The following NDUFA10 variants were observed in gnomAD, a reference collection of about 807,000 sequenced individuals.
NDUFA10 encodes NADH:ubiquinone oxidoreductase subunit A10.
NDUFA10 carries 40 observed loss-of-function variants against 47.8 expected under a neutral mutation model. The ratio of observed to expected loss-of-function variants is 0.84; its 90% CI spans 0.65 to 1.09. The LOEUF is 1.09. Among genes scored for constraint, NDUFA10 ranks in the 50% least tolerant of loss-of-function variants. The pLI, the probability that NDUFA10 is intolerant of heterozygous loss-of-function variation, is 0.00. For synonymous variants in NDUFA10, 183 were observed against 172.2 expected (o/e 1.06, Z -0.49); for missense variants, 413 against 451.1 (o/e 0.92, Z 0.76).
chr2:239,962,410 G>A (rs56393122), intron 9 of NDUFA10, among the ~76,000 whole-genome samples: 1,893 of 152,276 alleles, frequency 0.012, 23 homozygotes, highest in Middle Eastern at 0.02. Flanking sequence ...CAGTGGCCAC[G>A]CAGTGACAGA....
At chr2:239,915,685 C>T (rs887504419) in intron 4 of NDUFA10, among the ~76,000 whole-genome samples, 1 of 149,288 alleles carries the variant, frequency 6.7e-6, no homozygotes, top group African/African-American at 2.5e-5. Context: ...TATACACACA[C>T]AGAACACACA....
chr2:239,974,651 A>G (rs1695442732), intron 9 of NDUFA10, among the ~76,000 whole-genome samples: 1 of 152,234 alleles, frequency 6.6e-6, no homozygotes, highest in East Asian at 1.9e-4. Context: ...GAGTTCACAC[A>G]AGACCTGGTC....
chr2:240,004,654 A>G (rs571120860), intron 8 of NDUFA10, among the ~76,000 whole-genome samples: 1 of 147,026 alleles, frequency 6.8e-6, no homozygotes, highest in East Asian at 2.0e-4. Flanking sequence ...CCCTCCCCAC[A>G]CTTTTTCTGG....
chr2:239,942,560 C>G (rs1182106639), intron 4 of NDUFA10, among the ~76,000 whole-genome samples: 2 of 152,180 alleles, frequency 1.3e-5, no homozygotes, highest in African/African-American at 4.8e-5. Context: ...ACGTTGTTGA[C>G]ATTTATTTTA....
rs749435666 is a variant in NDUFA10, at chr2:239,961,088, G to GT, written c.*29dup. ...CGGCTGATGCAGCTTGGCCATCACT[G>GT]TGATGCAGCTGGAGCAGAAGGCGGC... On this transcript the variant is annotated 3_prime_UTR_variant, in exon 10 of 10. Coordinates refer to ENST00000252711, the MANE Select transcript of NDUFA10 (RefSeq NM_004544.4). 13 of 1,613,816 alleles carry GT rather than the reference G, an allele frequency of 8.1e-6. No individual in the cohort carries two copies. In the Admixed American group the frequency reaches 2.2e-4, roughly 27 times the overall value.
At chr2:240,011,908 G>A in intron 5 of NDUFA10, 1 of 595,984 alleles carries the variant, frequency 1.7e-6, no homozygotes, top group Non-Finnish European at 3.1e-6. Flanking sequence ...CTGCCCAAGT[G>A]CTCCCATAGC....
chr2:240,010,458 A>T (rs956435985), intron 6 of NDUFA10, among the ~76,000 whole-genome samples: 1 of 152,162 alleles, frequency 6.6e-6, no homozygotes, highest in African/African-American at 2.4e-5. Context: ...GATGTTTTTG[A>T]AGCCAGAAGA....
chr2:239,928,846 C>T lies in NDUFA10; in HGVS notation c.295-33532G>A, dbSNP rs77026030. Among the ~76,000 whole-genome samples, 721 of 152,306 alleles carry T rather than the reference C, an allele frequency of 4.7e-3. 4 individuals carry two copies. The highest frequency in any genetic ancestry group is 0.017 in the African/African-American group (695 of 41,572). Reference sequence around the variant, plus strand: ...GAGCCTGTGTGGTTGCTCCTTCACCCCACTCCTCCCATCAGCGGATCCTCC... The same window carrying T: ...GAGCCTGTGTGGTTGCTCCTTCACCTCACTCCTCCCATCAGCGGATCCTCC... On this transcript the variant is annotated intron_variant, in intron 4 of 5. Transcript: ENST00000419408. The surrounding 1 kb of genome is among the most constrained non-coding windows in gnomAD (Gnocchi z 4.3).
At chr2:239,911,142 G>A (rs1320870959) in intron 4 of NDUFA10, among the ~76,000 whole-genome samples, 3 of 151,316 alleles carry the variant, frequency 2.0e-5, no homozygotes, top group Non-Finnish European at 2.9e-5. Context: ...CCCTTGGAAT[G>A]GGTTCTATGT....
intron 4 of NDUFA10, among the ~76,000 whole-genome samples, chr2:239,934,712 G>C (rs1053019991): frequency 6.6e-6 from 1 of 152,170 alleles, no homozygotes; most frequent in Admixed American, 6.5e-5. Context: ...TGTCAGCTGC[G>C]ATTGTCTGTC....
chr2:239,946,284 G>GGCCCCA (rs2106381374), intron 4 of NDUFA10, among the ~76,000 whole-genome samples: 1 of 152,298 alleles, frequency 6.6e-6, no homozygotes, highest in African/African-American at 2.4e-5. Flanking sequence ...CCACAGCTCC[G>GGCCCCA]GCCCCAGCCC....
intron 4 of NDUFA10, among the ~76,000 whole-genome samples, chr2:239,898,220 G>A (rs1449585919): frequency 6.6e-6 from 1 of 152,182 alleles, no homozygotes; most frequent in African/African-American, 2.4e-5. Flanking sequence ...ATAAAATAAT[G>A]ATGTTTATAC....
At position 240,016,123 on chromosome 2, in the gene NDUFA10, G is replaced by A. The variant is rs1050201300; in HGVS notation, c.548-1263C>T. Among the ~76,000 whole-genome samples, 39 of 152,200 alleles carry A rather than the reference G, an allele frequency of 2.6e-4. No homozygotes were observed. The highest frequency in any genetic ancestry group is 9.4e-4 in the African/African-American group (39 of 41,448). On this transcript the variant is annotated intron_variant, in intron 4 of 9. Coordinates refer to ENST00000252711, the MANE Select transcript of NDUFA10 (RefSeq NM_004544.4). This position sits in a 1 kb window ranked among gnomAD's most constrained non-coding sequence, Gnocchi z 4.4. The stretch of plus-strand genomic sequence containing the variant: ...AACCTCACTCTAGAGGCAACTGTGG[G>A]ATGAGCCTTTGGCTCAGGGTCAGGA...
In NDUFA10 at chr2:240,016,924, T is replaced by C. The variant is rs1020711682; in HGVS notation, c.547+1629A>G. Among the ~76,000 whole-genome samples the C allele has an allele frequency of 6.6e-6, 1 of 152,058 alleles. No homozygotes were observed. Among genetic ancestry groups the C allele is most frequent in the African/African-American group, 2.4e-5 (1 of 41,416 alleles). On this transcript the variant is annotated intron_variant, in intron 4 of 9. Transcript: ENST00000252711. This position sits in a 1 kb window ranked among gnomAD's most constrained non-coding sequence, Gnocchi z 4.4. ...ATCGGTCCACTGCCCCTGTGCATCC[T>C]TCCCCCTTAGCGGCCCACTAGCCAG...
At chr2:239,952,747 G>C (rs1257510376), downstream of NDUFA10, among the ~76,000 whole-genome samples, 1 of 152,226 alleles carries the variant, frequency 6.6e-6, no homozygotes. Flanking sequence ...GATGGGCCTG[G>C]GCCTGGGCCA....
chr2:239,911,011 T>TC (rs1265673236), intron 4 of NDUFA10, among the ~76,000 whole-genome samples: 1 of 152,156 alleles, frequency 6.6e-6, no homozygotes, highest in Non-Finnish European at 1.5e-5. Context: ...ACTGCGTGTT[T>TC]CCCCAGAGCA....
At chr2:239,992,103 C>G (rs934146352) in intron 8 of NDUFA10, among the ~76,000 whole-genome samples, 2 of 152,156 alleles carry the variant, frequency 1.3e-5, no homozygotes, top group East Asian at 1.9e-4. Flanking sequence ...CTCCAGTAAA[C>G]TCCTAGATTT....
At position 239,928,142 on chromosome 2, in the gene NDUFA10, G is replaced by A. The variant is rs1290403469; in HGVS notation, c.295-32828C>T. ...CCACCACAAACGCGAGTAAGGAGCA[G>A]AAGGTCTGTACAAAGATTCCAGGAC... On this transcript the variant is annotated intron_variant, in intron 4 of 5. Coordinates refer to the NDUFA10 transcript ENST00000419408. This position sits in a 1 kb window ranked among gnomAD's most constrained non-coding sequence, Gnocchi z 4.3. 2.6e-5 allele frequency among the ~76,000 whole-genome samples: 4 copies of A among 151,886 alleles called. No individual in the cohort carries two copies. The highest frequency in any genetic ancestry group is 5.9e-5 in the Non-Finnish European group (4 of 68,002).
In NDUFA10 at chr2:239,916,610, G is replaced by C. The variant is rs573167919; in HGVS notation, c.295-21296C>G. Among the ~76,000 whole-genome samples, 5 of 152,372 alleles carry C rather than the reference G, an allele frequency of 3.3e-5. No individual in the cohort carries two copies. The East Asian group carries it at 7.7e-4, about 23-fold the overall frequency. Reference sequence around the variant, plus strand: ...ACCAACGCTGCACAAGTGATAAAGAGCAAACATTTATTTCCTCCCCATTCC... The same window carrying C: ...ACCAACGCTGCACAAGTGATAAAGACCAAACATTTATTTCCTCCCCATTCC... On this transcript the variant is annotated intron_variant, in intron 4 of 5. Coordinates refer to the NDUFA10 transcript ENST00000419408.
Sources: allele counts gnomAD v4.1 joint callset (sites outside exome capture counted in the v4.1 genomes callset), GRCh38; gene constraint gnomAD v4.1.1; non-coding constraint Gnocchi (gnomAD v3.1); transcripts MANE v1.5; gene names NCBI Gene and HGNC (gene_info 2026-07-23, HGNC 2026-07-21).